NELL2: variants seen among roughly 807,000 people sequenced by gnomAD.
NELL2 encodes the protein neural EGFL like 2.
A neutral mutation model predicts 109.6 loss-of-function variants in NELL2; 41 were observed. That is an observed-to-expected ratio of 0.37 (90% CI 0.29 to 0.49). The LOEUF (loss-of-function observed/expected upper bound fraction) is 0.49, where lower values mean the gene tolerates loss of function less well. NELL2 is among the 20% of genes least tolerant of loss of function. The pLI, the probability that NELL2 is intolerant of heterozygous loss-of-function variation, is 0.98. For missense variants in NELL2, 900 were observed against 1,008.3 expected (o/e 0.89, Z 1.45); for synonymous variants, 355 against 344.7 (o/e 1.03, Z -0.33).
At chr12:44,566,870 G>A (rs961873604) in intron 15 of NELL2, among the ~76,000 whole-genome samples, 1 of 151,692 alleles carries the variant, frequency 6.6e-6, no homozygotes, top group African/African-American at 2.4e-5. Context: ...GCAGTGCAAT[G>A]GCATGATCTT....
chr12:44,673,304 C>T (rs149473740), intron 12 of NELL2, among the ~76,000 whole-genome samples: 1 of 152,058 alleles, frequency 6.6e-6, no homozygotes, highest in African/African-American at 2.4e-5. Context: ...CAAATTTAGT[C>T]CAGGGTGTAT....
chr12:44,713,209 C>CAGAG, intron 10 of NELL2, among the ~76,000 whole-genome samples: 1 of 118,208 alleles, frequency 8.5e-6, no homozygotes, highest in South Asian at 2.4e-4. Flanking sequence ...CACACACACA[C>CAGAG]ACACACAGAG....
intron 15 of NELL2, among the ~76,000 whole-genome samples, chr12:44,564,405 T>A (rs550761199): frequency 6.6e-6 from 1 of 152,340 alleles, no homozygotes; most frequent in Non-Finnish European, 1.5e-5. Flanking sequence ...AATACTGTAA[T>A]AGTCTTCAGG....
At chr12:44,824,516 C>T (rs1009983164) in intron 2 of NELL2, among the ~76,000 whole-genome samples, 1 of 151,954 alleles carries the variant, frequency 6.6e-6, no homozygotes, top group Non-Finnish European at 1.5e-5. Context: ...GTCCTTTCCC[C>T]CTCGTATGCT....
At chr12:44,532,866 T>C in intron 15 of NELL2, 145 bp from the exon 16 acceptor site, 2 of 748,594 alleles carry the variant, frequency 2.7e-6, no homozygotes, top group Non-Finnish European at 4.2e-6. Context: ...TACTTGTTTG[T>C]TAACAGCTAC....
chr12:44,546,176 T>A (rs1271732441), intron 15 of NELL2, among the ~76,000 whole-genome samples: 1 of 152,096 alleles, frequency 6.6e-6, no homozygotes, highest in African/African-American at 2.4e-5. Context: ...CAAACCTACA[T>A]CACAAGAAAT....
chr12:44,627,509 C>A (rs946602510), intron 13 of NELL2, among the ~76,000 whole-genome samples: 1 of 150,702 alleles, frequency 6.6e-6, no homozygotes, highest in Non-Finnish European at 1.5e-5. Flanking sequence ...GTACAACGAA[C>A]TTATTACTTA....
chr12:44,539,271 C>T (rs181612142), intron 15 of NELL2, among the ~76,000 whole-genome samples: 5 of 152,116 alleles, frequency 3.3e-5, no homozygotes, highest in Non-Finnish European at 7.4e-5. Flanking sequence ...TTAATTTGGG[C>T]TTTTTGTCCT....
intron 16 of NELL2, among the ~76,000 whole-genome samples, chr12:44,524,956 C>G (rs1941699560): frequency 6.6e-6 from 1 of 151,988 alleles, no homozygotes; most frequent in South Asian, 2.1e-4. Context: ...TATATTTGGT[C>G]TATTTGGAAT....
In NELL2 at chr12:44,648,739, T is replaced by A. The variant is rs867600847; in HGVS notation, c.1444+16745A>T. 3.5e-3 allele frequency among the ~76,000 whole-genome samples: 466 copies of A among 131,970 alleles called. 1 individual carries two copies. Among genetic ancestry groups the A allele is most frequent in the African/African-American group, 0.012 (403 of 33,956 alleles). 86.6% of individuals were successfully genotyped at this position (131,970 alleles called of 152,430 possible). On this transcript the variant is annotated intron_variant, in intron 13 of 19. Transcript: ENST00000429094. ...TATATATATATATATATATTTTTTT[T>A]TTTTTTTTTTTTTTGAGACAGAGTC...
intron 3 of NELL2, among the ~76,000 whole-genome samples, chr12:44,813,875 G>C (rs1271570469): frequency 6.6e-6 from 1 of 152,188 alleles, no homozygotes; most frequent in East Asian, 1.9e-4. Context: ...CACAGGAAGA[G>C]TAAGAAAGGA....
At chr12:44,803,715 T>C (rs983648290) in intron 3 of NELL2, among the ~76,000 whole-genome samples, 21 of 151,894 alleles carry the variant, frequency 1.4e-4, no homozygotes, top group African/African-American at 4.8e-4. Flanking sequence ...TTCTTACAAA[T>C]AAGCAAGAAA....
chr12:44,550,357 C>T (rs140939068), intron 15 of NELL2, among the ~76,000 whole-genome samples: 49 of 151,200 alleles, frequency 3.2e-4, no homozygotes, highest in African/African-American at 1.1e-3. Context: ...ACCTTCACTG[C>T]AGCATTATTA....
chr12:44,618,233 A>T (rs1431173724), intron 13 of NELL2, among the ~76,000 whole-genome samples: 1 of 152,172 alleles, frequency 6.6e-6, no homozygotes, highest in Non-Finnish European at 1.5e-5. Context: ...TTTTTAATTC[A>T]CTATTTAAGT....
At chr12:44,723,951 T>C (rs1352546731) in intron 9 of NELL2, among the ~76,000 whole-genome samples, 1 of 152,114 alleles carries the variant, frequency 6.6e-6, no homozygotes, top group Non-Finnish European at 1.5e-5. Context: ...GAATGTTCAC[T>C]GCAGCACTAT....
At position 44,660,516 on chromosome 12, in the gene NELL2, G is replaced by A. The variant is rs147548689; in HGVS notation, c.1444+4968C>T. ...TACCTACCAGATCCCAGTAGTAACC[G>A]CTTCCCACATAGTTGTATAACCAAA... On this transcript the variant is annotated intron_variant, in intron 13 of 19. Coordinates refer to ENST00000429094, the MANE Select transcript of NELL2 (RefSeq NM_001145108.2). 2.3e-3 allele frequency among the ~76,000 whole-genome samples: 348 copies of A among 152,194 alleles called. 2 individuals are homozygous for A. Among genetic ancestry groups the A allele is most frequent in the African/African-American group, 7.8e-3 (324 of 41,532 alleles).
At chr12:44,799,895 T>C (rs1466047353) in intron 3 of NELL2, among the ~76,000 whole-genome samples, 4 of 152,160 alleles carry the variant, frequency 2.6e-5, no homozygotes, top group Non-Finnish European at 5.9e-5. Flanking sequence ...ATTCTACTTA[T>C]CTACAGAGAG....
chr12:44,655,661 A>G (rs1487890407), intron 13 of NELL2, among the ~76,000 whole-genome samples: 1 of 152,134 alleles, frequency 6.6e-6, no homozygotes, highest in African/African-American at 2.4e-5. Flanking sequence ...TAACCAGAGT[A>G]CATGCTTTTC....
chr12:44,745,846 C>A lies in NELL2; in HGVS notation c.994+28901G>T, dbSNP rs11182629. On this transcript the variant is annotated intron_variant, in intron 9 of 19. Coordinates refer to ENST00000429094, the MANE Select transcript of NELL2 (RefSeq NM_001145108.2). ...TTCCATCCTCACGGGTAGGAAGAAT[C>A]AATATCATGAAAATGGCCACACTGC... Among the ~76,000 whole-genome samples the A allele has an allele frequency of 1.4e-3, 206 of 152,192 alleles. 4 individuals are homozygous for A. The East Asian group carries it at 0.03, about 22-fold the overall frequency.
Sources: gnomAD v4.1 joint callset for allele counts (sites outside exome capture counted in the v4.1 genomes callset) on GRCh38, gnomAD v4.1.1 for gene constraint, MANE v1.5 for transcripts, NCBI Gene and HGNC (gene_info 2026-07-23, HGNC 2026-07-21) for gene names.